CNBD1: variants seen among roughly 807,000 people sequenced by gnomAD.
CNBD1 encodes the protein cyclic nucleotide-binding domain-containing protein 1.
In CNBD1, 71 loss-of-function variants were observed where a neutral mutation model predicts 54.4. The observed-to-expected ratio is 1.30, with a 90% CI of 1.08 to 1.59. CNBD1 has a LOEUF of 1.59. Ranked by LOEUF, CNBD1 falls within the 40% of genes most tolerant of loss-of-function variation. CNBD1 has a pLI of 0.00. For synonymous variants in CNBD1, 182 were observed against 170.7 expected, an observed-to-expected ratio of 1.07 and a Z score of -0.51; for missense variants, 659 against 518.0, an observed-to-expected ratio of 1.27 and a Z score of -2.64.
At position 87,051,356 on chromosome 8, in the gene CNBD1, G is replaced by A. The variant is rs111581732; in HGVS notation, c.431+111602G>A. 7.6e-4 allele frequency among the ~76,000 whole-genome samples: 116 copies of A among 152,264 alleles called. 2 individuals carry two copies. Among genetic ancestry groups the A allele is most frequent in the African/African-American group, 2.6e-3 (109 of 41,548 alleles). On this transcript the variant is annotated intron_variant, in intron 4 of 10. Coordinates refer to ENST00000518476, the MANE Select transcript of CNBD1 (RefSeq NM_173538.3). ...CTCCTGGATAGTGAGGGCAGTTTGAGCTTCTGGAGTCAAGGATCTTTGCCA... is the reference window on the plus strand; with the variant it reads ...CTCCTGGATAGTGAGGGCAGTTTGAACTTCTGGAGTCAAGGATCTTTGCCA...
rs115004516 is a variant in CNBD1, at chr8:87,355,430, G to T, written c.1303+1644G>T. ...GATCAAGCATATATGAAAATCTAAG[G>T]CTGGTAGTATATAAGACTTTATCTA... On this transcript the variant is annotated intron_variant, in intron 10 of 10. Transcript: ENST00000518476. 3.9e-3 allele frequency among the ~76,000 whole-genome samples: 591 copies of T among 152,170 alleles called. 8 individuals carry two copies. The highest frequency in any genetic ancestry group is 0.013 in the African/African-American group (557 of 41,530).
rs1440579208 is a variant in CNBD1, at chr8:87,286,617, T to C, written c.988T>C (p.Ser330Pro). 2.6e-6 allele frequency: 4 copies of C among 1,525,956 alleles called. No homozygotes were observed. Among genetic ancestry groups the C allele is most frequent in the Non-Finnish European group, 3.6e-6 (4 of 1,123,126 alleles). 94.5% of individuals were successfully genotyped at this position (1,525,956 alleles called of 1,614,324 possible). ...TTATTATGAGGAATGGCCTACTTTATCCATATATGAGCTAATTGCACTCCT... is the reference window on the plus strand; with the variant it reads ...TTATTATGAGGAATGGCCTACTTTACCCATATATGAGCTAATTGCACTCCT... ...CPYYEEWPTLSIYELIALLKW... is the reference protein window; with the variant it reads ...CPYYEEWPTLPIYELIALLKW... The change falls in exon 8 of 11, where the codon TCC (serine) becomes CCC (proline). Residue 330 changes from serine (S) to proline (P), a missense_variant. Ser to Pro is a moderately conservative substitution (Grantham distance 74). Transcript: ENST00000518476.
At chr8:87,225,250 A>C (rs866281576) in intron 5 of CNBD1, among the ~76,000 whole-genome samples, 39 of 144,984 alleles carry the variant, frequency 2.7e-4, no homozygotes, top group African/African-American at 9.6e-4. Context: ...TCTCCTGCCT[A>C]ATTGCCCTGG....
chr8:86,897,951 A>G (rs1176076660), intron 2 of CNBD1, among the ~76,000 whole-genome samples: 1 of 152,228 alleles, frequency 6.6e-6, no homozygotes, highest in African/African-American at 2.4e-5. Flanking sequence ...ATAGAAAAAA[A>G]TGAAACAACT....
At chr8:87,384,550 G>A (rs886414798), downstream of CNBD1, among the ~76,000 whole-genome samples, 2 of 152,124 alleles carry the variant, frequency 1.3e-5, no homozygotes, top group Non-Finnish European at 1.5e-5. Flanking sequence ...CTCCATGTAG[G>A]AATGATAGAA....
intron 6 of CNBD1, among the ~76,000 whole-genome samples, chr8:87,262,926 G>A (rs911002700): frequency 6.6e-6 from 1 of 152,100 alleles, no homozygotes; most frequent in Admixed American, 6.6e-5. Context: ...AGTGGGAATG[G>A]GTAGAAATGC....
At chr8:87,375,191 G>A (rs1161607525) in intron 10 of CNBD1, among the ~76,000 whole-genome samples, 3 of 151,734 alleles carry the variant, frequency 2.0e-5, no homozygotes, top group Admixed American at 6.6e-5. Context: ...CATGAATTCA[G>A]CTCTTAGTTT....
intron 2 of CNBD1, among the ~76,000 whole-genome samples, chr8:87,425,046 T>C (rs374679167): frequency 2.6e-5 from 4 of 152,204 alleles, no homozygotes; most frequent in African/African-American, 4.8e-5. Flanking sequence ...CTCTAAACTT[T>C]CCTTCTCGCT....
At chr8:86,943,061 A>T (rs866853167) in intron 4 of CNBD1, among the ~76,000 whole-genome samples, 17 of 152,130 alleles carry the variant, frequency 1.1e-4, no homozygotes, top group Middle Eastern at 3.4e-3. Context: ...TTAAAAAAAA[A>T]AAAACATTTT....
At chr8:86,911,713 ACCTTAAAGATT>A (rs1246980623) in intron 3 of CNBD1, among the ~76,000 whole-genome samples, 2 of 152,156 alleles carry the variant, frequency 1.3e-5, no homozygotes, top group African/African-American at 4.8e-5. Flanking sequence ...TATTTAGAAA[ACCTTAAAGATT>A]CCATCAAAAA....
chr8:87,421,320 T>C (rs13255602), intron 2 of CNBD1, among the ~76,000 whole-genome samples: 4 of 151,250 alleles, frequency 2.6e-5, no homozygotes, highest in African/African-American at 9.7e-5. Context: ...CATGTGCACA[T>C]TGTGCAGGTT....
At chr8:87,291,720 G>C (rs753030196) in intron 8 of CNBD1, among the ~76,000 whole-genome samples, 2 of 152,086 alleles carry the variant, frequency 1.3e-5, no homozygotes, top group Admixed American at 6.6e-5. Flanking sequence ...CTGGGCTCAA[G>C]TGATCATTCA....
chr8:87,423,735 C>G (rs535244243), intron 2 of CNBD1, among the ~76,000 whole-genome samples: 1 of 151,434 alleles, frequency 6.6e-6, no homozygotes, highest in South Asian at 2.1e-4. Context: ...GTCTAAAATT[C>G]TCTTTTTTGG....
At chr8:87,378,829 T>C (rs1479001571) in intron 10 of CNBD1, among the ~76,000 whole-genome samples, 2 of 150,400 alleles carry the variant, frequency 1.3e-5, no homozygotes, top group Non-Finnish European at 2.9e-5. Flanking sequence ...TTTTATTTCC[T>C]TGAGCAGTGG....
chr8:87,335,517 G>A (rs1809926134), intron 8 of CNBD1, among the ~76,000 whole-genome samples: 1 of 152,030 alleles, frequency 6.6e-6, no homozygotes, highest in Admixed American at 6.6e-5. Flanking sequence ...TCAGAGACTA[G>A]GGTTTCCACC....
At chr8:87,385,615 C>T (rs976918400), downstream of CNBD1, among the ~76,000 whole-genome samples, 3 of 152,096 alleles carry the variant, frequency 2.0e-5, no homozygotes, top group Admixed American at 1.3e-4. Flanking sequence ...AACAAAGTGG[C>T]TGGGAAGCTG....
At chr8:87,087,463 C>CTCT (rs1811123562) in intron 4 of CNBD1, among the ~76,000 whole-genome samples, 1 of 127,918 alleles carries the variant, frequency 7.8e-6, no homozygotes, top group African/African-American at 3.0e-5. Flanking sequence ...GAAGTACATT[C>CTCT]TTTTTTTTTT....
chr8:86,977,096 A>G (rs1808360662), intron 4 of CNBD1, among the ~76,000 whole-genome samples: 1 of 151,934 alleles, frequency 6.6e-6, no homozygotes, highest in Non-Finnish European at 1.5e-5. Context: ...TTCTTGTTTT[A>G]TTCCTGATCT....
chr8:87,212,735 A>C (rs965151981), intron 5 of CNBD1, among the ~76,000 whole-genome samples: 1 of 152,220 alleles, frequency 6.6e-6, no homozygotes, highest in African/African-American at 2.4e-5. Flanking sequence ...AAAGGTAATA[A>C]TTAAAACTAT....
Sources: allele counts gnomAD v4.1 joint callset (sites outside exome capture counted in the v4.1 genomes callset), GRCh38; gene constraint gnomAD v4.1.1; transcripts MANE v1.5; gene names NCBI Gene and HGNC (gene_info 2026-07-23, HGNC 2026-07-21).